The following ADGRE3 variants were observed in gnomAD, a reference collection of about 807,000 sequenced individuals.
The protein encoded by ADGRE3 is EGF-like module receptor 3.
In ADGRE3, 88 loss-of-function variants were observed where a neutral mutation model predicts 80.1. That is an observed-to-expected ratio of 1.10 (90% CI 0.93 to 1.31). ADGRE3 has a LOEUF of 1.31. ADGRE3 is among the 40% of genes most tolerant of loss of function. ADGRE3 has a pLI of 0.00. For synonymous variants in ADGRE3, 281 were observed against 294.8 expected (o/e 0.95, Z 0.48); for missense variants, 715 against 776.5 (o/e 0.92, Z 0.94).
At chr19:14,609,950 A>G in the ADGRE3 span, 4 of 745,014 alleles carry the variant, frequency 5.4e-6, no homozygotes, top group Non-Finnish European at 9.3e-6. Flanking sequence ...CACACGGCCT[A>G]ATATGGGTTT....
At chr19:14,640,498 C>G (rs1260848508) in intron 10 of ADGRE3, among the ~76,000 whole-genome samples, 1 of 151,976 alleles carries the variant, frequency 6.6e-6, no homozygotes, top group African/African-American at 2.4e-5. Flanking sequence ...GCCATGTTGA[C>G]CAGGCTGGCC....
At chr19:14,622,070 T>A in intron 15 of ADGRE3, 2 of 1,048,724 alleles carry the variant, frequency 1.9e-6, no homozygotes, top group Non-Finnish European at 2.6e-6. Flanking sequence ...TTCTCCTTTA[T>A]TGAAGGCTCT....
downstream of ADGRE3, among the ~76,000 whole-genome samples, chr19:14,616,319 A>G (rs888004115): frequency 7.2e-5 from 11 of 152,026 alleles, no homozygotes; most frequent in Admixed American, 1.3e-4. Flanking sequence ...TCATCTCCAA[A>G]ATAATCTACC....
downstream of ADGRE3, among the ~76,000 whole-genome samples, chr19:14,618,740 C>T (rs1331248792): frequency 6.8e-6 from 1 of 147,372 alleles, no homozygotes; most frequent in East Asian, 2.0e-4. Context: ...CCTGTAACGC[C>T]AGCTACTTGG....
At chr19:14,654,343 A>G (rs1200603856) in intron 6 of ADGRE3, among the ~76,000 whole-genome samples, 1 of 149,668 alleles carries the variant, frequency 6.7e-6, no homozygotes, top group Non-Finnish European at 1.5e-5. Flanking sequence ...AGTTCACTGC[A>G]CCCTCAAACT....
At chr19:14,656,558 A>G (rs1337351958) in intron 5 of ADGRE3, among the ~76,000 whole-genome samples, 1 of 152,152 alleles carries the variant, frequency 6.6e-6, no homozygotes, top group African/African-American at 2.4e-5. Flanking sequence ...TGCGACATTT[A>G]CTTACTGCTC....
intron 1 of ADGRE3, among the ~76,000 whole-genome samples, chr19:14,669,753 G>A (rs1972201233): frequency 6.6e-6 from 1 of 152,072 alleles, no homozygotes; most frequent in Non-Finnish European, 1.5e-5. Context: ...GCCTCCCAAA[G>A]TGCCGGGATT....
At chr19:14,635,675 A>T (rs550052514) in intron 11 of ADGRE3, among the ~76,000 whole-genome samples, 13 of 152,066 alleles carry the variant, frequency 8.5e-5, no homozygotes, top group Non-Finnish European at 1.9e-4. Flanking sequence ...AGCCTCCCAA[A>T]GTGCTGGGAT....
Position 14,625,537 on chromosome 19 carries a change from T to G in ADGRE3, c.1875A>C (p.Thr625=). 6.2e-7 allele frequency: 1 copy of G among 1,613,980 alleles called. No individual in the cohort carries two copies. The highest frequency in any genetic ancestry group is 1.1e-5 in the South Asian group (1 of 91,080). The change falls in exon 15 of 16, where the codon ACA becomes ACC. Residue 625 remains threonine, a synonymous_variant. Coordinates refer to ENST00000253673, the MANE Select transcript of ADGRE3 (RefSeq NM_032571.5). ...GACCCATCTTGCTGGAAAGTGTGTA[T>G]GTCTCAGACTCAGATTTTGATTTTA... ...EIVKSKSESE[T]YTLSSKMGPD...
chr19:14,602,982 G>T, the ADGRE3 span, among the ~76,000 whole-genome samples: 2 of 152,140 alleles, frequency 1.3e-5, no homozygotes, highest in Non-Finnish European at 2.9e-5. Flanking sequence ...TGATCCACCT[G>T]CCTTGGCCTC....
At chr19:14,618,131 AAT>A (rs2075093415), downstream of ADGRE3, among the ~76,000 whole-genome samples, 1 of 152,162 alleles carries the variant, frequency 6.6e-6, no homozygotes, top group South Asian at 2.1e-4. Flanking sequence ...TATAGACAAA[AAT>A]ATATATATTT....
chr19:14,674,790 C>T lies in ADGRE3; in HGVS notation c.-20G>A. On this transcript the variant is annotated 5_prime_UTR_variant, in exon 1 of 16. Coordinates refer to ENST00000253673, the MANE Select transcript of ADGRE3 (RefSeq NM_032571.5). ...CTGCATTTCTGTGGTACGGGTATCC[C>T]ACGCCAGCCAGCCCTGGAAGCTCTC... is the stretch of plus-strand genomic sequence containing the variant. The T allele has an allele frequency of 6.2e-7, 1 of 1,613,510 alleles. No homozygotes were observed. Among genetic ancestry groups the T allele is most frequent in the South Asian group, 1.1e-5 (1 of 91,000 alleles).
chr19:14,610,486 A>G, the ADGRE3 span: 212 of 382,514 alleles, frequency 5.5e-4, 1 homozygote, highest in Admixed American at 2.8e-3. Context: ...CCTGATCATG[A>G]CTCTTGGGAA....
intron 5 of ADGRE3, among the ~76,000 whole-genome samples, chr19:14,656,004 A>G (rs1015359237): frequency 5.9e-5 from 9 of 152,042 alleles, no homozygotes; most frequent in African/African-American, 1.9e-4. Flanking sequence ...AAGGACATGG[A>G]CACACACGAG....
chr19:14,641,688 G>T (rs1208346924), intron 9 of ADGRE3, 72 bp from the exon 10 acceptor site: 2 of 1,562,128 alleles, frequency 1.3e-6, no homozygotes, highest in East Asian at 4.7e-5. Context: ...TTGAACTGGG[G>T]CATCCTAGAC....
intron 14 of ADGRE3, among the ~76,000 whole-genome samples, chr19:14,629,369 T>C (rs1970818470): frequency 1.3e-5 from 2 of 152,306 alleles, no homozygotes; most frequent in South Asian, 4.1e-4. Context: ...ATCTCCACGA[T>C]TCACTCCTTT....
the ADGRE3 span, among the ~76,000 whole-genome samples, chr19:14,607,691 C>G: frequency 1.3e-5 from 2 of 151,482 alleles, no homozygotes; most frequent in Non-Finnish European, 2.9e-5. Context: ...ATTCTTCCAC[C>G]TTAGTCTCCC....
the ADGRE3 span, chr19:14,607,012 A>G: frequency 7.7e-7 from 1 of 1,303,330 alleles, no homozygotes; most frequent in Non-Finnish European, 9.8e-7. Context: ...GCCAAGGCCC[A>G]TGGCTCTCCA....
At chr19:14,662,728 C>CTTT (rs1971982870) in intron 3 of ADGRE3, among the ~76,000 whole-genome samples, 1 of 151,874 alleles carries the variant, frequency 6.6e-6, no homozygotes, top group Admixed American at 6.6e-5. Context: ...GTTTCCAAAA[C>CTTT]AGCCCCCATT....
Sources: allele counts gnomAD v4.1 joint callset (sites outside exome capture counted in the v4.1 genomes callset), GRCh38; gene constraint gnomAD v4.1.1; transcripts MANE v1.5; gene names NCBI Gene and HGNC (gene_info 2026-07-23, HGNC 2026-07-21).